The following NDUFAF6 variants were observed in gnomAD, a reference collection of about 807,000 sequenced individuals.
NDUFAF6 encodes NADH:ubiquinone oxidoreductase complex assembly factor 6, also known as NADH dehydrogenase (ubiquinone) complex I, assembly factor 6.
Under a neutral mutation model 40.8 loss-of-function variants are expected in NDUFAF6, and 45 were observed. The ratio of observed to expected loss-of-function variants is 1.10; its 90% confidence interval spans 0.87 to 1.42. The LOEUF is 1.42. NDUFAF6 is among the 40% of genes most tolerant of loss of function. NDUFAF6 has a pLI of 0.00. For missense variants in NDUFAF6, 435 were observed against 418.5 expected (o/e 1.04, Z -0.34); for synonymous variants, 185 against 155.9 (o/e 1.19, Z -1.39).
intron 2 of NDUFAF6, among the ~76,000 whole-genome samples, chr8:94,952,211 C>T (rs1052255008): frequency 2.6e-5 from 4 of 152,228 alleles, no homozygotes; most frequent in African/African-American, 9.6e-5. Context: ...CACCAACAAA[C>T]AGATACAATG....
chr8:94,979,467 C>T (rs1209993716), intron 1 of NDUFAF6, among the ~76,000 whole-genome samples: 1 of 152,160 alleles, frequency 6.6e-6, no homozygotes, highest in African/African-American at 2.4e-5. Context: ...ATCCTTCCTT[C>T]TCTCTTTCTT....
rs752139248 is a variant in NDUFAF6, at chr8:95,047,002, G to A, written c.589G>A (p.Asp197Asn). 3.1e-6 allele frequency: 5 copies of A among 1,614,066 alleles called. No individual in the cohort carries two copies. The East Asian group carries it at 8.9e-5, about 29-fold the overall frequency. Residue 197 changes from aspartate (D) to asparagine (N), a missense_variant, in exon 6 of 9, where the codon GAT (aspartate) becomes AAT (asparagine). By Grantham distance (23) the Asp-to-Asn change is conservative. Coordinates refer to ENST00000396124, the MANE Select transcript of NDUFAF6 (RefSeq NM_152416.4). The part of the protein sequence containing the change: ...YLTLEILGIK[D>N]LHADHAASHI... ...AATTTCTGAAATCATAGGTATAAAG[G>A]ATCTTCATGCAGATCATGCTGCAAG... is the stretch of plus-strand genomic sequence containing the variant.
upstream of NDUFAF6, among the ~76,000 whole-genome samples, chr8:95,022,329 T>G (rs1827722772): frequency 6.7e-6 from 1 of 149,098 alleles, no homozygotes; most frequent in Non-Finnish European, 1.5e-5. Flanking sequence ...AGAAAAAGAG[T>G]AATGAAGAAG....
intron 2 of NDUFAF6, among the ~76,000 whole-genome samples, chr8:95,001,352 G>T (rs758813065): frequency 1.3e-5 from 2 of 151,922 alleles, no homozygotes. Context: ...AAATCTTTTG[G>T]GGGAGTGTGA....
intron 4 of NDUFAF6, among the ~76,000 whole-genome samples, chr8:95,042,975 A>G (rs1434637870): frequency 1.3e-5 from 2 of 152,230 alleles, no homozygotes; most frequent in Non-Finnish European, 2.9e-5. Context: ...ACCATATACA[A>G]AAATGAACTC....
At chr8:95,043,224 A>G (rs1297703820) in intron 4 of NDUFAF6, among the ~76,000 whole-genome samples, 1 of 151,482 alleles carries the variant, frequency 6.6e-6, no homozygotes, top group Non-Finnish European at 1.5e-5. Context: ...AGCTGAGACT[A>G]CAGGTGTGCG....
At chr8:94,931,564 C>G (rs1820392219) in intron 1 of NDUFAF6, among the ~76,000 whole-genome samples, 1 of 145,608 alleles carries the variant, frequency 6.9e-6, no homozygotes, top group South Asian at 2.2e-4. Context: ...CCTAAAATCA[C>G]TTGAGGAAAC....
At chr8:94,962,911 C>T (rs909851137) in intron 1 of NDUFAF6, among the ~76,000 whole-genome samples, 5 of 151,990 alleles carry the variant, frequency 3.3e-5, no homozygotes, top group African/African-American at 1.2e-4. Context: ...CTGCCTCAGC[C>T]TCCTGAGTAG....
At chr8:95,098,163 A>C (rs1809527778), upstream of NDUFAF6, among the ~76,000 whole-genome samples, 1 of 152,206 alleles carries the variant, frequency 6.6e-6, no homozygotes, top group African/African-American at 2.4e-5. Context: ...CTACTGCTAC[A>C]TCTGGAGCGT....
intron 1 of NDUFAF6, among the ~76,000 whole-genome samples, chr8:94,938,530 A>C (rs1273521835): frequency 6.6e-6 from 1 of 152,238 alleles, no homozygotes; most frequent in Non-Finnish European, 1.5e-5. Context: ...ACCAAGTTAC[A>C]GTTGGGACTT....
intron 1 of NDUFAF6, among the ~76,000 whole-genome samples, chr8:94,978,294 G>A (rs1345514848): frequency 1.3e-5 from 2 of 152,152 alleles, no homozygotes; most frequent in African/African-American, 2.4e-5. Flanking sequence ...CTTCTAGGTT[G>A]GTGAACACAT....
chr8:95,016,830 T>C (rs938683558), intron 2 of NDUFAF6, among the ~76,000 whole-genome samples: 1 of 151,992 alleles, frequency 6.6e-6, no homozygotes, highest in Non-Finnish European at 1.5e-5. Flanking sequence ...AAGAAAATAA[T>C]TTGGGGTGCT....
intron 3 of NDUFAF6, among the ~76,000 whole-genome samples, chr8:95,040,261 A>G (rs1830006068): frequency 6.6e-6 from 1 of 152,216 alleles, no homozygotes. Flanking sequence ...GCTGGCAGCC[A>G]TACTTCATAG....
intron 3 of NDUFAF6, chr8:95,036,578 A>T: frequency 8.9e-7 from 1 of 1,117,436 alleles, no homozygotes; most frequent in Admixed American, 3.3e-5. Flanking sequence ...GTTTTCCTAA[A>T]ATCCAGAAAC....
At chr8:94,945,935 C>G (rs1362183708) in intron 2 of NDUFAF6, among the ~76,000 whole-genome samples, 1 of 152,162 alleles carries the variant, frequency 6.6e-6, no homozygotes, top group Non-Finnish European at 1.5e-5. Context: ...CAGCTTTGTC[C>G]TTGTTCTGCT....
chr8:94,921,937 C>T (rs759363626), intron 1 of NDUFAF6, among the ~76,000 whole-genome samples: 33 of 152,246 alleles, frequency 2.2e-4, no homozygotes, highest in Non-Finnish European at 3.4e-4. Context: ...CACACATTCT[C>T]AGGCTCTATC....
intron 5 of NDUFAF6, among the ~76,000 whole-genome samples, chr8:95,046,151 C>T (rs1415665809): frequency 6.6e-6 from 1 of 151,998 alleles, no homozygotes; most frequent in East Asian, 1.9e-4. Flanking sequence ...ACCTCTGCCT[C>T]CCGGATTCAA....
intron 1 of NDUFAF6, among the ~76,000 whole-genome samples, chr8:94,902,918 G>T (rs941668772): frequency 6.6e-6 from 1 of 151,944 alleles, no homozygotes; most frequent in African/African-American, 2.4e-5. Flanking sequence ...TGGCCAGGCT[G>T]GTCTCAAACT....
chr8:95,027,083 T>C (rs1253423237), intron 1 of NDUFAF6, among the ~76,000 whole-genome samples: 1 of 152,160 alleles, frequency 6.6e-6, no homozygotes, highest in Admixed American at 6.5e-5. Context: ...ACATTATTAG[T>C]TATTTTTTAC....
Sources: gnomAD v4.1 joint callset for allele counts (sites outside exome capture counted in the v4.1 genomes callset) on GRCh38, gnomAD v4.1.1 for gene constraint, MANE v1.5 for transcripts, NCBI Gene and HGNC (gene_info 2026-07-23, HGNC 2026-07-21) for gene names.